FAM193A: variants seen among roughly 807,000 people sequenced by gnomAD.
FAM193A encodes protein FAM193A.
In FAM193A, 22 loss-of-function variants were observed where a neutral mutation model predicts 126.5. That is an observed-to-expected ratio of 0.17 (90% CI 0.12 to 0.25). The LOEUF (loss-of-function observed/expected upper bound fraction) is 0.25, where lower values mean the gene tolerates loss of function less well. Ranked by LOEUF, FAM193A falls within the 10% of genes least tolerant of loss-of-function variation. The pLI is 1.00. For synonymous variants in FAM193A, 761 were observed against 646.8 expected (o/e 1.18, Z -2.68); for missense variants, 1,675 against 1,672.8 (o/e 1.00, Z -0.02).
intron 5 of FAM193A, among the ~76,000 whole-genome samples, chr4:2,636,342 C>T (rs1464206415): frequency 2.0e-5 from 3 of 152,082 alleles, no homozygotes; most frequent in Non-Finnish European, 2.9e-5. Context: ...GAATTACAGC[C>T]GTGAGCCACC....
At chr4:2,579,812 G>A (rs1334095431) in intron 1 of FAM193A, among the ~76,000 whole-genome samples, 7 of 152,120 alleles carry the variant, frequency 4.6e-5, no homozygotes, top group Admixed American at 1.3e-4. Flanking sequence ...AAAAAGGAAC[G>A]CTTATACACT....
intron 19 of FAM193A, among the ~76,000 whole-genome samples, chr4:2,711,695 TC>T (rs1718994293): frequency 6.6e-6 from 1 of 150,514 alleles, no homozygotes; most frequent in Non-Finnish European, 1.5e-5. Flanking sequence ...ATGCCTGTAA[TC>T]CCAGCACTTT....
In FAM193A at chr4:2,626,470, G is replaced by A. The variant is rs1450560252; in HGVS notation, c.696G>A (p.Val232=). ...PQQLQNYWSE[V]RYTVRCIYRQ... The stretch of plus-strand genomic sequence containing the variant: ...AGCTGCAGAACTACTGGTCAGAAGT[G>A]CGCTACACGGTGCGCTGCATCTACC... Residue 232 remains valine, a synonymous_variant, in exon 4 of 21, where the codon GTG becomes GTA. Coordinates refer to ENST00000637812, the MANE Select transcript of FAM193A (RefSeq NM_001366318.2). 1.4e-6 allele frequency: 1 copy of A among 702,676 alleles called. No individual in the cohort carries two copies. The highest frequency in any genetic ancestry group is 2.0e-5 in the Admixed American group (1 of 50,024). 43.5% of individuals were successfully genotyped at this position (702,676 alleles called of 1,614,324 possible). A position where few individuals can be genotyped will look rare whatever the true frequency, so the allele number is the denominator to read the frequency against.
intron 19 of FAM193A, among the ~76,000 whole-genome samples, chr4:2,702,168 C>T (rs1717808028): frequency 2.6e-5 from 4 of 152,220 alleles, no homozygotes; most frequent in Admixed American, 2.6e-4. Context: ...TTTTCATTCA[C>T]TTAGTTATAT....
chr4:2,547,031 G>A (rs1343707293), intron 1 of FAM193A, among the ~76,000 whole-genome samples: 3 of 152,150 alleles, frequency 2.0e-5, no homozygotes, highest in Non-Finnish European at 2.9e-5. Flanking sequence ...CAGTCTACTG[G>A]TCTGGCCTCC....
chr4:2,639,603 C>T, intron 5 of FAM193A, 132 bp from the exon 6 acceptor site: 2 of 584,738 alleles, frequency 3.4e-6, no homozygotes, highest in Admixed American at 3.4e-5. Flanking sequence ...AAGCTGAACA[C>T]TCTGGGCCTG....
chr4:2,588,233 A>G (rs1278875696), intron 1 of FAM193A, among the ~76,000 whole-genome samples: 3 of 152,102 alleles, frequency 2.0e-5, no homozygotes, highest in South Asian at 2.1e-4. Flanking sequence ...CTCAACTTCC[A>G]TCATTAGGCT....
intron 2 of FAM193A, among the ~76,000 whole-genome samples, chr4:2,601,932 A>C (rs949721945): frequency 6.6e-6 from 1 of 151,926 alleles, no homozygotes; most frequent in Non-Finnish European, 1.5e-5. Context: ...TCCACCTCCC[A>C]GGTTCAAGGG....
intron 1 of FAM193A, among the ~76,000 whole-genome samples, chr4:2,543,578 C>CG (rs1737364111): frequency 1.3e-5 from 2 of 151,848 alleles, no homozygotes; most frequent in African/African-American, 4.8e-5. Flanking sequence ...CCATAGGGAC[C>CG]GGGCATAGTG....
At chr4:2,717,317 G>A (rs1365838194) in intron 20 of FAM193A, among the ~76,000 whole-genome samples, 8 of 152,130 alleles carry the variant, frequency 5.3e-5, no homozygotes, top group Non-Finnish European at 8.8e-5. Context: ...TAGAGGCTGC[G>A]CCTGGTGGCT....
chr4:2,574,099 G>T (rs1739446596), intron 1 of FAM193A, among the ~76,000 whole-genome samples: 1 of 152,126 alleles, frequency 6.6e-6, no homozygotes, highest in Non-Finnish European at 1.5e-5. Context: ...TATTGTGTCA[G>T]TTCTGAAAGA....
chr4:2,578,125 G>A (rs1739713144), intron 1 of FAM193A, among the ~76,000 whole-genome samples: 1 of 152,076 alleles, frequency 6.6e-6, no homozygotes, highest in Non-Finnish European at 1.5e-5. Context: ...ATCACCCAGT[G>A]ATGCAGTGAA....
At chr4:2,564,317 G>A (rs928165049) in intron 1 of FAM193A, among the ~76,000 whole-genome samples, 4 of 151,874 alleles carry the variant, frequency 2.6e-5, no homozygotes, top group East Asian at 3.9e-4. Context: ...TCCTGGGGTC[G>A]AGTAATTCTC....
chr4:2,627,985 G>A (rs553429248), intron 4 of FAM193A, among the ~76,000 whole-genome samples: 1 of 151,898 alleles, frequency 6.6e-6, no homozygotes. Context: ...GTTGTGATCT[G>A]CCCGCCTCGG....
At position 2,596,217 on chromosome 4, in the gene FAM193A, T is replaced by C; in HGVS notation, c.389T>C (p.Leu130Pro). ...ATTAAGACTGCGAGCAAATTGGCCC[T>C]TTCCATGGCTCCCAAGGGCAACAGC... ...SGIKTASKLA[L>P]SMAPKGNSVL... The change falls in exon 2 of 21, where the codon CTT becomes CCT. Residue 130 changes from leucine (L) to proline (P), a missense_variant. This residue lies in a region of FAM193A where 1,186 missense variants were observed against 1,109.2 expected (regional missense o/e 1.07). Coordinates refer to ENST00000637812, the MANE Select transcript of FAM193A (RefSeq NM_001366318.2). The C allele has an allele frequency of 1.4e-6, 1 of 702,978 alleles. No homozygotes were observed. The highest frequency in any genetic ancestry group is 2.7e-5 in the East Asian group (1 of 37,292). 43.5% of individuals were successfully genotyped at this position (702,978 alleles called of 1,614,324 possible).
chr4:2,535,636 G>A (rs2108792261), upstream of FAM193A, among the ~76,000 whole-genome samples: 1 of 152,282 alleles, frequency 6.6e-6, no homozygotes, highest in African/African-American at 2.4e-5. Context: ...GCAAGGCCGC[G>A]GAGGGAGGAG....
At chr4:2,626,118 A>G (rs76475419) in intron 3 of FAM193A, among the ~76,000 whole-genome samples, 4,375 of 152,278 alleles carry the variant, frequency 0.029, 224 homozygotes, top group African/African-American at 0.099. Context: ...CTGCCCATTA[A>G]GTACCTTGGA....
At position 2,680,140 on chromosome 4, in the gene FAM193A, C is replaced by T. The variant is rs1053876964; in HGVS notation, c.2331+7768C>T. ...CCTCCCAGAGTGCTGGGATTACAGGCGTGAGCCACTGCGCCCAGCCTATTG... is the reference window on the plus strand; with the variant it reads ...CCTCCCAGAGTGCTGGGATTACAGGTGTGAGCCACTGCGCCCAGCCTATTG... On this transcript the variant is annotated intron_variant, in intron 13 of 20. Coordinates refer to ENST00000637812, the MANE Select transcript of FAM193A (RefSeq NM_001366318.2). Among the ~76,000 whole-genome samples the T allele has an allele frequency of 5.3e-5, 8 of 152,218 alleles. No homozygotes were observed. In the East Asian group the frequency reaches 9.7e-4, roughly 18 times the overall value.
intron 6 of FAM193A, among the ~76,000 whole-genome samples, chr4:2,645,561 C>T (rs1017742741): frequency 1.2e-4 from 18 of 151,954 alleles, no homozygotes; most frequent in African/African-American, 4.4e-4. Flanking sequence ...TAGTTTCACC[C>T]TGTCTCCCAG....
Sources: allele counts gnomAD v4.1 joint callset (sites outside exome capture counted in the v4.1 genomes callset), GRCh38; gene constraint gnomAD v4.1.1; regional missense constraint gnomAD v4.1.1; transcripts MANE v1.5; gene names NCBI Gene and HGNC (gene_info 2026-07-23, HGNC 2026-07-21).